The following CCDC7 variants were observed in gnomAD, a reference collection of about 807,000 sequenced individuals.
CCDC7 encodes the protein coiled-coil domain containing 7, also known as coiled-coil domain-containing protein 7.
Under a neutral mutation model 196.9 loss-of-function variants are expected in CCDC7, and 183 were observed. That is an observed-to-expected ratio of 0.93 (90% confidence interval 0.82 to 1.05). CCDC7 has a LOEUF of 1.05. Ranked by LOEUF, CCDC7 falls within the 50% of genes least tolerant of loss-of-function variation. The pLI, the probability that CCDC7 is intolerant of heterozygous loss-of-function variation, is 0.00. For missense variants in CCDC7, 1,540 were observed against 1,482.2 expected, an observed-to-expected ratio of 1.04 and a Z score of -0.64; for synonymous variants, 525 against 484.6, an observed-to-expected ratio of 1.08 and a Z score of -1.10.
At chr10:32,785,432 AC>A (rs1356851217) in intron 29 of CCDC7, among the ~76,000 whole-genome samples, 3 of 152,200 alleles carry the variant, frequency 2.0e-5, no homozygotes, top group African/African-American at 7.2e-5. Flanking sequence ...AAAACACTAC[AC>A]ATAAGCACTT....
At chr10:32,732,679 CTG>C (rs2084182753) in intron 28 of CCDC7, among the ~76,000 whole-genome samples, 1 of 151,880 alleles carries the variant, frequency 6.6e-6, no homozygotes, top group Non-Finnish European at 1.5e-5. Context: ...TTAAAATAGA[CTG>C]TATTTTTAGA....
chr10:32,880,401 T>C (rs938003510), downstream of CCDC7, among the ~76,000 whole-genome samples: 6 of 152,204 alleles, frequency 3.9e-5, no homozygotes, highest in African/African-American at 1.4e-4. Flanking sequence ...ATGGGGTTTT[T>C]TCTTTAAATT....
intron 18 of CCDC7, among the ~76,000 whole-genome samples, chr10:32,631,698 T>C (rs2064889447): frequency 6.6e-6 from 1 of 152,068 alleles, no homozygotes. Context: ...CTAATTGGTA[T>C]TTCGATAGGG....
intron 11 of CCDC7, among the ~76,000 whole-genome samples, chr10:32,541,961 C>G (rs1203717891): frequency 1.3e-5 from 2 of 152,176 alleles, no homozygotes; most frequent in Non-Finnish European, 2.9e-5. Context: ...GGTGCCTCAC[C>G]TCACTCCTCT....
intron 21 of CCDC7, among the ~76,000 whole-genome samples, chr10:32,678,948 G>C (rs1406709508): frequency 2.6e-5 from 4 of 152,022 alleles, no homozygotes; most frequent in African/African-American, 9.7e-5. Flanking sequence ...AAAGAGGGCT[G>C]GGCCTCCTAT....
intron 18 of CCDC7, among the ~76,000 whole-genome samples, chr10:32,625,846 A>G (rs886277046): frequency 6.6e-6 from 1 of 152,002 alleles, no homozygotes; most frequent in Admixed American, 6.6e-5. Context: ...TGCTTGGCTT[A>G]TTTCACTTAG....
At chr10:32,700,556 A>G (rs1261248345) in intron 24 of CCDC7, among the ~76,000 whole-genome samples, 2 of 152,188 alleles carry the variant, frequency 1.3e-5, no homozygotes. Context: ...TTGGTTTCAT[A>G]TGAACTTTAA....
At chr10:32,572,168 T>C (rs1051776673) in intron 16 of CCDC7, among the ~76,000 whole-genome samples, 1 of 152,098 alleles carries the variant, frequency 6.6e-6, no homozygotes, top group African/African-American at 2.4e-5. Context: ...TTCCAGATAG[T>C]GAGGAACTAA....
intron 25 of CCDC7, among the ~76,000 whole-genome samples, chr10:32,717,842 C>T (rs1480643836): frequency 6.6e-6 from 1 of 151,028 alleles, no homozygotes; most frequent in Non-Finnish European, 1.5e-5. Flanking sequence ...AAGTTGAATC[C>T]CTGAATAGAC....
chr10:32,638,348 TATG>T (rs1335644901), intron 20 of CCDC7, among the ~76,000 whole-genome samples: 1 of 152,228 alleles, frequency 6.6e-6, no homozygotes, highest in African/African-American at 2.4e-5. Context: ...GCCCATTCAG[TATG>T]ATATTGGCTG....
At chr10:32,524,572 G>C (rs1444959724) in intron 11 of CCDC7, among the ~76,000 whole-genome samples, 1 of 152,116 alleles carries the variant, frequency 6.6e-6, no homozygotes, top group Admixed American at 6.6e-5. Context: ...GTCTGGTGTT[G>C]ATAAAATCCC....
Position 32,855,302 on chromosome 10 carries a change from A to G in CCDC7, c.4111+813A>G, listed in dbSNP as rs2093707926. 2.0e-5 allele frequency among the ~76,000 whole-genome samples: 3 copies of G among 151,982 alleles called. No individual in the cohort carries two copies. In the South Asian group the frequency reaches 6.2e-4, roughly 32 times the overall value. Reference sequence around the variant, plus strand: ...TCGTGGAAGACAATTTTTCCATGGAATGGTGGTGGGGGAATGATTTTAGGA... The same window carrying G: ...TCGTGGAAGACAATTTTTCCATGGAGTGGTGGTGGGGGAATGATTTTAGGA... On this transcript the variant is annotated intron_variant, in intron 41 of 41. Coordinates refer to ENST00000639629, the Ensembl canonical transcript of CCDC7.
intron 41 of CCDC7, among the ~76,000 whole-genome samples, chr10:32,861,476 A>G (rs936617300): frequency 5.3e-5 from 8 of 152,216 alleles, no homozygotes; most frequent in East Asian, 1.9e-4. Context: ...ACCCTAGAAG[A>G]AAACCTAGGC....
At chr10:32,565,130 C>G (rs2136862270) in intron 13 of CCDC7, among the ~76,000 whole-genome samples, 1 of 152,260 alleles carries the variant, frequency 6.6e-6, no homozygotes, top group African/African-American at 2.4e-5. Flanking sequence ...ACTGGGAACT[C>G]TAAATATGGT....
At chr10:32,517,665 G>C (rs573614508) in intron 9 of CCDC7, among the ~76,000 whole-genome samples, 6 of 150,580 alleles carry the variant, frequency 4.0e-5, no homozygotes, top group Admixed American at 6.6e-5. Flanking sequence ...TATACCTAAT[G>C]CTAAATGACG....
intron 25 of CCDC7, among the ~76,000 whole-genome samples, chr10:32,712,836 C>G (rs761551485): frequency 7.9e-5 from 12 of 152,098 alleles, no homozygotes; most frequent in Non-Finnish European, 1.5e-4. Flanking sequence ...TTTTTAGAAC[C>G]CTTATCAGTA....
chr10:32,845,997 T>TGAA, intron 36 of CCDC7, 38 bp downstream of exon 37: 2 of 1,432,070 alleles, frequency 1.4e-6, no homozygotes, highest in Non-Finnish European at 2.0e-6. Context: ...TATTTAGGCT[T>TGAA]ATTTATATTC....
chr10:32,870,013 G>T (rs1295518023), intron 41 of CCDC7, among the ~76,000 whole-genome samples: 2 of 151,908 alleles, frequency 1.3e-5, no homozygotes, highest in Non-Finnish European at 2.9e-5. Flanking sequence ...TAGTATAGTT[G>T]GAAGTCAGGT....
chr10:32,472,800 C>A (rs1363319770), intron 7 of CCDC7, among the ~76,000 whole-genome samples: 1 of 151,300 alleles, frequency 6.6e-6, no homozygotes, highest in East Asian at 2.0e-4. Context: ...CTCACTATGT[C>A]GCCCAGGCTG....
Sources: gnomAD v4.1 joint callset for allele counts (sites outside exome capture counted in the v4.1 genomes callset) on GRCh38, gnomAD v4.1.1 for gene constraint, MANE v1.5 for transcripts, NCBI Gene and HGNC (gene_info 2026-07-23, HGNC 2026-07-21) for gene names.